The following PRKAR2B variants were observed in gnomAD, a reference collection of about 807,000 sequenced individuals.
PRKAR2B encodes protein kinase cAMP-dependent type II regulatory subunit beta, also known as cAMP-dependent protein kinase type II-beta regulatory subunit.
PRKAR2B carries 14 observed loss-of-function variants against 49.9 expected under a neutral mutation model. The ratio of observed to expected loss-of-function variants is 0.28; its 90% CI spans 0.19 to 0.44. The LOEUF is 0.44. Ranked by LOEUF, PRKAR2B falls within the 20% of genes least tolerant of loss-of-function variation. PRKAR2B has a pLI of 1.00. For missense variants in PRKAR2B, 393 were observed against 537.9 expected, an observed-to-expected ratio of 0.73 and a Z score of 2.67; for synonymous variants, 196 against 197.7, an observed-to-expected ratio of 0.99 and a Z score of 0.07.
intron 2 of PRKAR2B, among the ~76,000 whole-genome samples, chr7:107,075,899 A>C (rs1313348317): frequency 6.6e-6 from 1 of 152,160 alleles, no homozygotes; most frequent in Non-Finnish European, 1.5e-5. Flanking sequence ...AGGTTTTCTA[A>C]AAAATTGTAA....
At chr7:107,096,907 G>T (rs1006989187) in intron 2 of PRKAR2B, among the ~76,000 whole-genome samples, 1 of 152,176 alleles carries the variant, frequency 6.6e-6, no homozygotes, top group African/African-American at 2.4e-5. Flanking sequence ...TTTTACACTT[G>T]CTGAGGGGTG....
intron 2 of PRKAR2B, among the ~76,000 whole-genome samples, chr7:107,112,200 A>AAG (rs1795189101): frequency 6.8e-6 from 1 of 147,662 alleles, no homozygotes; most frequent in Non-Finnish European, 1.5e-5. Flanking sequence ...AAAAAAAAAA[A>AAG]GAACCAAAAA....
intron 2 of PRKAR2B, among the ~76,000 whole-genome samples, chr7:107,094,888 A>G (rs923565886): frequency 2.6e-5 from 4 of 152,288 alleles, no homozygotes; most frequent in African/African-American, 7.2e-5. Flanking sequence ...TAACAGTACC[A>G]TGCTGTTTTG....
intron 5 of PRKAR2B, among the ~76,000 whole-genome samples, chr7:107,143,301 A>G (rs1320664996): frequency 6.6e-6 from 1 of 152,352 alleles, no homozygotes; most frequent in Admixed American, 6.5e-5. Flanking sequence ...CATCAACATG[A>G]TGGCACAAGT....
At chr7:107,134,548 AAAG>A (rs1795661566) in intron 4 of PRKAR2B, among the ~76,000 whole-genome samples, 1 of 152,210 alleles carries the variant, frequency 6.6e-6, no homozygotes, top group Admixed American at 6.5e-5. Context: ...CAATATTTAA[AAAG>A]AAGAACAAAG....
chr7:107,055,172 A>G (rs956981618), intron 1 of PRKAR2B, among the ~76,000 whole-genome samples: 7 of 152,298 alleles, frequency 4.6e-5, no homozygotes, highest in Middle Eastern at 3.4e-3. Flanking sequence ...ATAGTATTCC[A>G]TGGTGTATAT....
At chr7:107,126,351 GC>G (rs1169698723) in intron 3 of PRKAR2B, among the ~76,000 whole-genome samples, 1 of 149,142 alleles carries the variant, frequency 6.7e-6, no homozygotes, top group Non-Finnish European at 1.5e-5. Context: ...AACCCGGGAG[GC>G]GGAGATTGCA....
chr7:107,118,080 A>G (rs1451600188), intron 2 of PRKAR2B, among the ~76,000 whole-genome samples: 1 of 152,206 alleles, frequency 6.6e-6, no homozygotes, highest in Non-Finnish European at 1.5e-5. Context: ...TGGGGCAAAT[A>G]TGTTTCAGAA....
chr7:107,109,309 G>T (rs2116822387), intron 2 of PRKAR2B, among the ~76,000 whole-genome samples: 1 of 152,104 alleles, frequency 6.6e-6, no homozygotes, highest in African/African-American at 2.4e-5. Context: ...GCCCAGGCTG[G>T]TGTGCAGTGA....
intron 1 of PRKAR2B, among the ~76,000 whole-genome samples, chr7:107,065,326 G>A (rs1339661773): frequency 9.1e-4 from 8 of 8,750 alleles, no homozygotes; most frequent in African/African-American, 7.1e-3. Flanking sequence ...GTGTGTATGT[G>A]TGTGTGTGTG....
At chr7:107,138,345 G>A (rs926532746) in intron 4 of PRKAR2B, among the ~76,000 whole-genome samples, 3 of 152,178 alleles carry the variant, frequency 2.0e-5, no homozygotes, top group African/African-American at 7.2e-5. Context: ...TGGGGTAGAG[G>A]ATATGTGGAG....
In PRKAR2B at chr7:107,128,219, A is replaced by G; in HGVS notation, c.404A>G (p.His135Arg). Residue 135 changes from histidine (H) to arginine (R), a missense_variant, in exon 4 of 11, where the codon CAT becomes CGT. His to Arg is a conservative substitution (Grantham distance 29, BLOSUM62 0). Around this residue, in one of 2 missense-constraint regions of PRKAR2B, gnomAD observed 233 missense variants for 390.4 expected, o/e 0.60. Coordinates refer to ENST00000265717, the MANE Select transcript of PRKAR2B (RefSeq NM_002736.3). Reference protein sequence around the residue: ...EEDDAESRIIHPKTDDQRNRL... With the variant: ...EEDDAESRIIRPKTDDQRNRL... ...AATCTGATGTCCTTTTAGATTATAC[A>G]TCCAAAAACTGATGATCAAAGAAAT... 1 of 1,608,516 alleles carries G rather than the reference A, an allele frequency of 6.2e-7. No individual in the cohort carries two copies. The highest frequency in any genetic ancestry group is 8.5e-7 in the Non-Finnish European group (1 of 1,175,034).
intron 2 of PRKAR2B, among the ~76,000 whole-genome samples, chr7:107,108,432 C>A (rs796743319): frequency 2.0e-5 from 3 of 152,146 alleles, no homozygotes; most frequent in Non-Finnish European, 2.9e-5. Context: ...TGAGAGAAAG[C>A]GTGACAAGGA....
intron 1 of PRKAR2B, among the ~76,000 whole-genome samples, chr7:107,048,783 CCCTCTCCTATTCTCTT>C (rs1793748270): frequency 6.6e-6 from 1 of 152,162 alleles, no homozygotes; most frequent in Non-Finnish European, 1.5e-5. Context: ...GCTTTCTTTT[CCCTCTCCTATTCTCTT>C]CCAGTCTTAT....
chr7:107,080,504 G>A (rs1177038929), intron 2 of PRKAR2B, among the ~76,000 whole-genome samples: 1 of 152,150 alleles, frequency 6.6e-6, no homozygotes, highest in East Asian at 1.9e-4. Flanking sequence ...TTATGCCCTT[G>A]AAGTACTTGC....
intron 4 of PRKAR2B, among the ~76,000 whole-genome samples, chr7:107,138,069 T>G (rs1584447939): frequency 6.6e-6 from 1 of 152,252 alleles, no homozygotes; most frequent in East Asian, 1.9e-4. Context: ...TCTCTGGCAC[T>G]CCTTTCTTTT....
At chr7:107,136,545 G>A (rs1795705209) in intron 4 of PRKAR2B, among the ~76,000 whole-genome samples, 1 of 152,140 alleles carries the variant, frequency 6.6e-6, no homozygotes, top group Non-Finnish European at 1.5e-5. Context: ...TGGCACACAA[G>A]CATATGAAAA....
intron 2 of PRKAR2B, among the ~76,000 whole-genome samples, chr7:107,101,932 G>A (rs949030081): frequency 7.8e-6 from 1 of 128,462 alleles, no homozygotes; most frequent in African/African-American, 3.0e-5. Flanking sequence ...TGCCTTTTGA[G>A]ATGAGGACTG....
At chr7:107,156,588 G>A (rs1473215446) in intron 8 of PRKAR2B, among the ~76,000 whole-genome samples, 6 of 152,114 alleles carry the variant, frequency 3.9e-5, no homozygotes, top group Admixed American at 6.5e-5. Context: ...GGCAGATCTC[G>A]AGGTCAGGAG....
Sources: gnomAD v4.1 joint callset for allele counts (sites outside exome capture counted in the v4.1 genomes callset) on GRCh38, gnomAD v4.1.1 for gene constraint, gnomAD v4.1.1 regional missense constraint, MANE v1.5 for transcripts, NCBI Gene and HGNC (gene_info 2026-07-23, HGNC 2026-07-21) for gene names.